The following ZNF385D variants were observed in gnomAD, a reference collection of about 807,000 sequenced individuals.
The protein encoded by ZNF385D is zinc finger protein 659.
A neutral mutation model predicts 35.8 loss-of-function variants in ZNF385D; 15 were observed. That is an observed-to-expected ratio of 0.42 (90% CI 0.28 to 0.64). ZNF385D has a LOEUF of 0.64. Ranked by LOEUF, ZNF385D falls within the 30% of genes least tolerant of loss-of-function variation. ZNF385D has a pLI of 0.23. For missense variants in ZNF385D, 474 were observed against 494.6 expected, an observed-to-expected ratio of 0.96 and a Z score of 0.39; for synonymous variants, 212 against 186.8, an observed-to-expected ratio of 1.13 and a Z score of -1.10.
At chr3:22,244,353 A>G (rs2125318498) in intron 2 of ZNF385D, among the ~76,000 whole-genome samples, 1 of 129,766 alleles carries the variant, frequency 7.7e-6, no homozygotes, top group African/African-American at 2.9e-5. Context: ...GTGATACCAG[A>G]CAACCGAATG....
chr3:22,195,670 C>T (rs1696365774), intron 2 of ZNF385D, among the ~76,000 whole-genome samples: 1 of 151,860 alleles, frequency 6.6e-6, no homozygotes, highest in African/African-American at 2.4e-5. Flanking sequence ...CATGACGATG[C>T]CAGTTGTATT....
At chr3:21,821,558 T>C (rs1410910313) in intron 3 of ZNF385D, among the ~76,000 whole-genome samples, 1 of 152,328 alleles carries the variant, frequency 6.6e-6, no homozygotes, top group East Asian at 1.9e-4. Flanking sequence ...ATGGCTTGCA[T>C]GCACATCTCA....
At chr3:21,423,577 G>C (rs1700843343) in intron 7 of ZNF385D, among the ~76,000 whole-genome samples, 1 of 152,166 alleles carries the variant, frequency 6.6e-6, no homozygotes, top group Non-Finnish European at 1.5e-5. Context: ...TGCAGTCATG[G>C]GGAGAGGAAA....
intron 3 of ZNF385D, among the ~76,000 whole-genome samples, chr3:21,991,996 G>C (rs12486230): frequency 0.11 from 16,288 of 152,114 alleles, 1,163 homozygotes; most frequent in South Asian, 0.26. Context: ...GTGAATTTAG[G>C]CTAGCTAACT....
At chr3:22,039,922 G>A (rs1478979119) in intron 3 of ZNF385D, among the ~76,000 whole-genome samples, 1 of 152,104 alleles carries the variant, frequency 6.6e-6, no homozygotes, top group African/African-American at 2.4e-5. Flanking sequence ...CTTGTCCTCT[G>A]ACTTTGAATT....
intron 3 of ZNF385D, among the ~76,000 whole-genome samples, chr3:21,995,515 G>A (rs1262771828): frequency 1.3e-5 from 2 of 152,088 alleles, no homozygotes; most frequent in African/African-American, 4.8e-5. Flanking sequence ...AGGTGGCAGT[G>A]AGTGAGGTGG....
At chr3:21,519,853 T>A (rs1707802233) in intron 3 of ZNF385D, among the ~76,000 whole-genome samples, 2 of 152,208 alleles carry the variant, frequency 1.3e-5, no homozygotes, top group Non-Finnish European at 2.9e-5. Context: ...ACACACACCA[T>A]TTGAATAGGA....
At chr3:22,279,298 C>G (rs548752183) in intron 2 of ZNF385D, among the ~76,000 whole-genome samples, 2 of 151,848 alleles carry the variant, frequency 1.3e-5, no homozygotes, top group Non-Finnish European at 2.9e-5. Context: ...TGAATTGCAT[C>G]ATTCTTATGC....
At chr3:22,300,424 GACA>G (rs1053756833) in intron 2 of ZNF385D, among the ~76,000 whole-genome samples, 1 of 150,488 alleles carries the variant, frequency 6.6e-6, no homozygotes, top group African/African-American at 2.4e-5. Context: ...CAAAAGCACA[GACA>G]ACAACAGGTA....
At chr3:22,044,478 G>A (rs542715493) in intron 3 of ZNF385D, among the ~76,000 whole-genome samples, 1 of 152,138 alleles carries the variant, frequency 6.6e-6, no homozygotes, top group South Asian at 2.1e-4. Flanking sequence ...TTTTTAAAAA[G>A]ACACAGGCTG....
At chr3:22,297,320 C>T (rs1483510696) in intron 2 of ZNF385D, among the ~76,000 whole-genome samples, 1 of 152,076 alleles carries the variant, frequency 6.6e-6, no homozygotes, top group African/African-American at 2.4e-5. Context: ...CTCCGCCTTT[C>T]CCTTCATCTG....
intron 3 of ZNF385D, among the ~76,000 whole-genome samples, chr3:21,875,954 G>A (rs1387550877): frequency 6.6e-6 from 1 of 152,104 alleles, no homozygotes; most frequent in Admixed American, 6.6e-5. Flanking sequence ...GGATTGCTGT[G>A]ACATTCACAT....
In ZNF385D at chr3:21,437,105, T is replaced by A. The variant is rs767808050; in HGVS notation, c.538A>T (p.Ser180Cys). The change falls in exon 5 of 8, where the codon AGC becomes TGC. Residue 180 changes from serine to cysteine, a missense_variant. Coordinates refer to ENST00000281523, the MANE Select transcript of ZNF385D (RefSeq NM_024697.3). The part of the protein sequence containing the change: ...TTEITSKVEK[S>C]PTTATGNSSC... The stretch of plus-strand genomic sequence containing the variant: ...CTATTGCCAGTGGCTGTCGTTGGGC[T>A]TTTTTCCACTTTAGAGGTGATCTCA... 3 of 1,613,946 alleles carry A rather than the reference T, an allele frequency of 1.9e-6. No homozygotes were observed. Among genetic ancestry groups the A allele is most frequent in the Non-Finnish European group, 1.7e-6 (2 of 1,179,876 alleles).
chr3:21,860,712 T>C (rs1481731464), intron 3 of ZNF385D, among the ~76,000 whole-genome samples: 1 of 152,158 alleles, frequency 6.6e-6, no homozygotes, highest in African/African-American at 2.4e-5. Context: ...AACTTCTGCC[T>C]CAAAATCATA....
chr3:21,484,730 A>G (rs1704901991), intron 4 of ZNF385D, among the ~76,000 whole-genome samples: 2 of 152,090 alleles, frequency 1.3e-5, no homozygotes, highest in African/African-American at 2.4e-5. Flanking sequence ...GAGGTGTGGT[A>G]GGTTTGAGAT....
chr3:22,134,063 T>C (rs190909266), intron 3 of ZNF385D: 1 of 152,106 alleles, frequency 6.6e-6, no homozygotes, highest in South Asian at 2.1e-4. Flanking sequence ...ATGATCAATT[T>C]ATAGACTTAA....
Position 21,487,824 on chromosome 3 carries a change from A to C in ZNF385D, c.439+23037T>G, listed in dbSNP as rs59672901. Among the ~76,000 whole-genome samples the C allele has an allele frequency of 1.1e-3, 163 of 152,246 alleles. 2 individuals carry two copies. In the East Asian group the frequency reaches 0.03, roughly 28 times the overall value. On this transcript the variant is annotated intron_variant, in intron 4 of 7. Coordinates refer to ENST00000281523, the MANE Select transcript of ZNF385D (RefSeq NM_024697.3). ...TTTGTATTATATCTTTATTCACAAC[A>C]TGAAATTAAAAATCTTTGTTGAACT...
chr3:21,902,547 T>C (rs569713860), intron 3 of ZNF385D, among the ~76,000 whole-genome samples: 2 of 152,182 alleles, frequency 1.3e-5, no homozygotes, highest in Non-Finnish European at 2.9e-5. Flanking sequence ...GTAGCTTTCA[T>C]TGAGACGATA....
At chr3:21,870,460 C>G (rs991475741) in intron 3 of ZNF385D, among the ~76,000 whole-genome samples, 1 of 152,162 alleles carries the variant, frequency 6.6e-6, no homozygotes, top group African/African-American at 2.4e-5. Context: ...CAAATCAATC[C>G]TTGCGGCTAC....
Sources: allele counts gnomAD v4.1 joint callset (sites outside exome capture counted in the v4.1 genomes callset), GRCh38; gene constraint gnomAD v4.1.1; transcripts MANE v1.5; gene names NCBI Gene and HGNC (gene_info 2026-07-23, HGNC 2026-07-21).